NTN1: variants seen among roughly 807,000 people sequenced by gnomAD.
NTN1 encodes the protein netrin-1.
NTN1 carries 11 observed loss-of-function variants against 54.2 expected under a neutral mutation model. The ratio of observed to expected loss-of-function variants is 0.20; its 90% CI spans 0.13 to 0.34. The LOEUF is 0.34. NTN1 is among the 10% of genes least tolerant of loss of function. NTN1 has a pLI of 1.00. For missense variants in NTN1, 740 were observed against 893.1 expected (o/e 0.83, Z 2.18); for synonymous variants, 371 against 382.0 (o/e 0.97, Z 0.33).
At position 9,205,578 on chromosome 17, in the gene NTN1, G is replaced by T. The variant is rs112370410; in HGVS notation, c.1412-15590G>T. ...TTCGAGGCTGCAGTGAGCTGTGATTGCGCCTCTGCGCTCCAGCTGGGGTGA... is the reference window on the plus strand; with the variant it reads ...TTCGAGGCTGCAGTGAGCTGTGATTTCGCCTCTGCGCTCCAGCTGGGGTGA... On this transcript the variant is annotated intron_variant, in intron 5 of 6. Coordinates refer to ENST00000173229, the MANE Select transcript of NTN1 (RefSeq NM_004822.3). Among the ~76,000 whole-genome samples the T allele has an allele frequency of 5.6e-3, 855 of 152,390 alleles. 7 individuals are homozygous for T. The highest frequency in any genetic ancestry group is 0.019 in the African/African-American group (798 of 41,602).
chr17:9,166,652 C>T (rs1423623838), intron 3 of NTN1, among the ~76,000 whole-genome samples: 3 of 152,106 alleles, frequency 2.0e-5, no homozygotes, highest in African/African-American at 7.2e-5. Context: ...AGTTAGGCCC[C>T]ATCTTTTGAG....
intron 5 of NTN1, among the ~76,000 whole-genome samples, chr17:9,192,847 G>A (rs893170135): frequency 3.3e-5 from 5 of 152,136 alleles, no homozygotes; most frequent in African/African-American, 9.7e-5. Context: ...TTGGGAGGCC[G>A]AGGCAGGCAG....
chr17:9,190,766 C>A (rs936728914), intron 5 of NTN1, among the ~76,000 whole-genome samples: 6 of 152,096 alleles, frequency 3.9e-5, no homozygotes, highest in African/African-American at 7.2e-5. Context: ...GCACGAGAAT[C>A]ACTTGAACCT....
At chr17:9,053,953 G>A (rs1207181180) in intron 2 of NTN1, among the ~76,000 whole-genome samples, 1 of 152,182 alleles carries the variant, frequency 6.6e-6, no homozygotes, top group Non-Finnish European at 1.5e-5. Flanking sequence ...CTCACTCAAG[G>A]ACATGTGCTT....
At chr17:9,072,112 C>T (rs918429141) in intron 2 of NTN1, among the ~76,000 whole-genome samples, 4 of 152,184 alleles carry the variant, frequency 2.6e-5, no homozygotes, top group East Asian at 1.9e-4. Flanking sequence ...AGATGCTTCT[C>T]GGGCAGGAAC....
Position 9,206,456 on chromosome 17 carries a change from G to A in NTN1, c.1412-14712G>A, listed in dbSNP as rs564394530. Among the ~76,000 whole-genome samples the A allele has an allele frequency of 3.9e-5, 6 of 152,280 alleles. No homozygotes were observed. The South Asian group carries it at 1.0e-3, about 26-fold the overall frequency. On this transcript the variant is annotated intron_variant, in intron 5 of 6. Transcript: ENST00000173229. ...CCCGGCCACCCCACCCCTGAGCCAG[G>A]CTGCAGACTGCCCTGCCCTCGGGGG...
rs897445873 is a variant in NTN1 at position 9,161,899 on chromosome 17, G to A, written c.1019-914G>A. Among the ~76,000 whole-genome samples, 12 of 145,530 alleles carry A rather than the reference G, an allele frequency of 8.2e-5. 1 individual carries two copies. Among genetic ancestry groups the A allele is most frequent in the South Asian group, 4.2e-4 (2 of 4,716 alleles). ...AGGATGGTAAGGAGTGAATGATGTCGGGCAGGTGACTCTGGGTTCAAGTGG... is the reference window on the plus strand; with the variant it reads ...AGGATGGTAAGGAGTGAATGATGTCAGGCAGGTGACTCTGGGTTCAAGTGG... On this transcript the variant is annotated intron_variant, in intron 2 of 6. Transcript: ENST00000173229.
At chr17:9,154,579 G>A (rs908249105) in intron 2 of NTN1, among the ~76,000 whole-genome samples, 3 of 152,042 alleles carry the variant, frequency 2.0e-5, no homozygotes, top group Non-Finnish European at 4.4e-5. Flanking sequence ...AGGTGTGGGC[G>A]GGAGTTAGGT....
At chr17:9,042,540 C>G (rs8078558) in intron 2 of NTN1, among the ~76,000 whole-genome samples, 151,804 of 151,804 alleles carry the variant, frequency 1, 75,902 homozygotes, top group Non-Finnish European at 1. Flanking sequence ...TGTAATCCCA[C>G]CACTTTGGGA....
intron 2 of NTN1, among the ~76,000 whole-genome samples, chr17:9,120,079 G>A (rs745910406): frequency 6.6e-6 from 1 of 152,034 alleles, no homozygotes; most frequent in Non-Finnish European, 1.5e-5. Context: ...AGGAGTTCGA[G>A]ACCATCCTAG....
chr17:9,181,195 C>T (rs1465367031), intron 4 of NTN1, among the ~76,000 whole-genome samples: 5 of 152,194 alleles, frequency 3.3e-5, no homozygotes, highest in Non-Finnish European at 7.3e-5. Flanking sequence ...CTGGCGAGAG[C>T]ATTGTCCCTC....
intron 2 of NTN1, among the ~76,000 whole-genome samples, chr17:9,134,136 C>T (rs541592653): frequency 1.3e-5 from 2 of 152,020 alleles, no homozygotes; most frequent in Non-Finnish European, 2.9e-5. Context: ...AACTCCTGAC[C>T]TTGTGATCTG....
intron 2 of NTN1, among the ~76,000 whole-genome samples, chr17:9,077,535 C>T (rs1016499856): frequency 6.6e-6 from 1 of 152,198 alleles, no homozygotes; most frequent in Non-Finnish European, 1.5e-5. Context: ...CCCCAATTCC[C>T]TTACAAGGTA....
chr17:9,188,845 C>T (rs1046417749), intron 5 of NTN1, among the ~76,000 whole-genome samples: 1 of 152,130 alleles, frequency 6.6e-6, no homozygotes, highest in Non-Finnish European at 1.5e-5. Flanking sequence ...AGACCACTGA[C>T]AGGAGGGGGG....
intron 2 of NTN1, 127 bp from the exon 3 acceptor site, chr17:9,162,686 A>G: frequency 1.1e-6 from 1 of 872,734 alleles, no homozygotes; most frequent in Admixed American, 2.2e-5. Flanking sequence ...CTGGAGCACA[A>G]GTCTGCCTGC....
chr17:9,163,477 AACACACACAC>A (rs55765967), intron 3 of NTN1, among the ~76,000 whole-genome samples: 149 of 142,782 alleles, frequency 1.0e-3, no homozygotes, highest in South Asian at 7.0e-3. Context: ...TCCCCCCCGA[AACACACACAC>A]ACACACACAC....
chr17:9,187,024 A>G (rs537508638), intron 5 of NTN1, among the ~76,000 whole-genome samples: 1 of 152,144 alleles, frequency 6.6e-6, no homozygotes, highest in African/African-American at 2.4e-5. Flanking sequence ...GGGTAATCGC[A>G]ACCCTGCCAC....
At chr17:9,042,661 C>T (rs921452587) in intron 2 of NTN1, among the ~76,000 whole-genome samples, 4 of 152,030 alleles carry the variant, frequency 2.6e-5, no homozygotes, top group African/African-American at 9.7e-5. Context: ...GTGGCGTGCT[C>T]CTGCAGTCCC....
At chr17:9,192,710 G>A (rs1310858629) in intron 5 of NTN1, among the ~76,000 whole-genome samples, 2 of 152,160 alleles carry the variant, frequency 1.3e-5, no homozygotes, top group South Asian at 2.1e-4. Flanking sequence ...GGAGAGCTGG[G>A]GCAGCACCGG....
Sources: gnomAD v4.1 joint callset for allele counts (sites outside exome capture counted in the v4.1 genomes callset) on GRCh38, gnomAD v4.1.1 for gene constraint, MANE v1.5 for transcripts, NCBI Gene and HGNC (gene_info 2026-07-23, HGNC 2026-07-21) for gene names.